Variants in PRDM4 observed in about 807,000 individuals in gnomAD.
The protein encoded by PRDM4 is PR domain zinc finger protein 4.
Under a neutral mutation model 62.3 loss-of-function variants are expected in PRDM4, and 38 were observed. The observed-to-expected ratio is 0.61, with a 90% confidence interval of 0.47 to 0.80. The LOEUF (loss-of-function observed/expected upper bound fraction) is 0.80. Among genes scored for constraint, PRDM4 ranks in the 30% least tolerant of loss-of-function variants. The probability of loss-of-function intolerance (pLI) is 0.00; values close to 1 mark genes in which losing one functional copy is unlikely to be tolerated. For synonymous variants in PRDM4, 339 were observed against 348.2 expected (o/e 0.97, Z 0.30); for missense variants, 858 against 997.1 (o/e 0.86, Z 1.88).
chr12:107,751,980 G>A lies in PRDM4; in HGVS notation c.561C>T (p.Ala187=). The change falls in exon 5 of 12, where the codon GCC becomes GCT. Residue 187 remains alanine (A), a synonymous_variant. Coordinates refer to ENST00000228437, the MANE Select transcript of PRDM4 (RefSeq NM_012406.4). ...SLHPSDGHEV[A]LDTAITMENV... ...TCTCCATAGTGATTGCTGTGTCCAA[G>A]GCCACCTCATGGCCATCACTGGGAT... is the stretch of plus-strand genomic sequence containing the variant. 1.9e-6 allele frequency: 3 copies of A among 1,614,212 alleles called. No individual in the cohort carries two copies. Among genetic ancestry groups the A allele is most frequent in the Non-Finnish European group, 2.5e-6 (3 of 1,180,044 alleles).
Position 107,751,403 on chromosome 12 carries a change from A to G in PRDM4, c.1126+12T>C. ...CAAATATTTCCAAAAAAGAAAGGCTAAACACACTCACAAATTGTAAACAAG... is the reference window on the plus strand; with the variant it reads ...CAAATATTTCCAAAAAAGAAAGGCTGAACACACTCACAAATTGTAAACAAG... On this transcript the variant is annotated intron_variant, in intron 5 of 11. Transcript: ENST00000228437. 1 of 1,596,784 alleles carries G rather than the reference A, an allele frequency of 6.3e-7. No individual in the cohort carries two copies. The highest frequency in any genetic ancestry group is 8.6e-7 in the Non-Finnish European group (1 of 1,165,892).
intron 2 of PRDM4, among the ~76,000 whole-genome samples, chr12:107,757,280 GT>G (rs1399820907): frequency 5.9e-5 from 9 of 151,534 alleles, no homozygotes; most frequent in East Asian, 3.9e-4. Flanking sequence ...GGCAATGACA[GT>G]TTTTTTTTAA....
At chr12:107,742,763 CTTTTTT>C (rs750002269) in intron 8 of PRDM4, among the ~76,000 whole-genome samples, 1 of 120,544 alleles carries the variant, frequency 8.3e-6, no homozygotes, top group Non-Finnish European at 1.7e-5. Context: ...TGGTAAGTGC[CTTTTTT>C]TTTTTTTTTT....
At chr12:107,748,409 G>A (rs1210898433) in intron 5 of PRDM4, among the ~76,000 whole-genome samples, 1 of 152,076 alleles carries the variant, frequency 6.6e-6, no homozygotes, top group African/African-American at 2.4e-5. Context: ...ATTCATAGTA[G>A]CCAAAAAGCA....
intron 6 of PRDM4, 33 bp downstream of exon 6, chr12:107,746,242 T>A: frequency 6.2e-7 from 1 of 1,608,722 alleles, no homozygotes. Context: ...GAAGAAGAGA[T>A]GTAATAGTGT....
chr12:107,753,809 G>C (rs1218404948), intron 4 of PRDM4, 115 bp downstream of exon 4: 9 of 995,320 alleles, frequency 9.0e-6, no homozygotes, highest in Non-Finnish European at 1.3e-5. Context: ...CCTGCCTAGA[G>C]ATTAATATCT....
intron 3 of PRDM4, among the ~76,000 whole-genome samples, chr12:107,755,666 A>G (rs1430351241): frequency 6.6e-6 from 1 of 152,262 alleles, no homozygotes; most frequent in Non-Finnish European, 1.5e-5. Context: ...AGTCCAATAC[A>G]TAACAATGTC....
chr12:107,742,138 C>T (rs1890536700), intron 9 of PRDM4, 83 bp downstream of exon 9: 1 of 1,417,666 alleles, frequency 7.1e-7, no homozygotes, highest in African/African-American at 1.4e-5. Context: ...CTTCAGCTAA[C>T]ATGTAAATCA....
intron 11 of PRDM4, among the ~76,000 whole-genome samples, chr12:107,738,663 G>A (rs929585210): frequency 6.6e-6 from 1 of 152,004 alleles, no homozygotes; most frequent in Non-Finnish European, 1.5e-5. Context: ...TACCTAATTG[G>A]TCTTCCAATA....
intron 4 of PRDM4, among the ~76,000 whole-genome samples, chr12:107,753,400 AAG>A (rs1890962260): frequency 7.2e-6 from 1 of 139,224 alleles, no homozygotes; most frequent in East Asian, 2.0e-4. Context: ...GAAAAGAAAA[AAG>A]AGAGCAAGAG....
At chr12:107,746,578 G>A (rs192500016) in intron 5 of PRDM4, among the ~76,000 whole-genome samples, 154 bp from the exon 6 acceptor site, 111 of 151,716 alleles carry the variant, frequency 7.3e-4, no homozygotes, top group Non-Finnish European at 1.4e-3. Flanking sequence ...TCTGCCTCCC[G>A]GGTATAAGCG....
chr12:107,757,397 T>C (rs1202723291), intron 2 of PRDM4, among the ~76,000 whole-genome samples: 3 of 152,190 alleles, frequency 2.0e-5, no homozygotes, highest in Non-Finnish European at 4.4e-5. Context: ...CAAGTAAATT[T>C]TACTAATCAT....
chr12:107,743,232 A>G lies in PRDM4; in HGVS notation c.1446T>C (p.Asn482=). Residue 482 remains asparagine, a synonymous_variant, in exon 8 of 12, where the codon AAT becomes AAC. Coordinates refer to ENST00000228437, the MANE Select transcript of PRDM4 (RefSeq NM_012406.4). ...LEFCIITTDE[N]ECNWMMFVRK... is the part of the protein sequence containing the mutation. ...GCACAAACATCATCCAATTACATTC[A>G]TTTTCATCAGTTGTAATGATGCAGA... The G allele has an allele frequency of 6.2e-7, 1 of 1,613,620 alleles. No homozygotes were observed. The highest frequency in any genetic ancestry group is 8.5e-7 in the Non-Finnish European group (1 of 1,179,578).
chr12:107,744,522 A>G (rs1890625322), intron 7 of PRDM4, 21 bp downstream of exon 7: 1 of 1,598,878 alleles, frequency 6.3e-7, no homozygotes, highest in Non-Finnish European at 8.6e-7. Context: ...AAAGCCACAG[A>G]AAAGTTTCAT....
In PRDM4 at chr12:107,753,995, T is replaced by TCAGGTAACC. The variant is rs1437687285; in HGVS notation, c.251_259dup (p.Gly84_Pro86dup). ...TGGTGGAGGTAGGGTGTAGTTTCTT[T>TCAGGTAACC]CAGGTAACCCACACATCACCCCTCG... On this transcript the variant is annotated inframe_insertion, in exon 4 of 12. Coordinates refer to ENST00000228437, the MANE Select transcript of PRDM4 (RefSeq NM_012406.4). 7 of 1,614,036 alleles carry TCAGGTAACC rather than the reference T, an allele frequency of 4.3e-6. No homozygotes were observed. In the African/African-American group the frequency reaches 9.3e-5, roughly 22 times the overall value.
chr12:107,757,977 G>A (rs1201995464), intron 2 of PRDM4, among the ~76,000 whole-genome samples: 1 of 152,118 alleles, frequency 6.6e-6, no homozygotes, highest in Non-Finnish European at 1.5e-5. Context: ...TTACCCAAAA[G>A]GGGCTCTCTA....
intron 5 of PRDM4, among the ~76,000 whole-genome samples, chr12:107,748,185 A>C (rs1890776877): frequency 6.6e-6 from 1 of 152,124 alleles, no homozygotes; most frequent in African/African-American, 2.4e-5. Flanking sequence ...GTCTCAAAAA[A>C]ATAAAAAAAT....
chr12:107,759,209 T>C (rs1327866990), intron 2 of PRDM4, among the ~76,000 whole-genome samples: 1 of 152,108 alleles, frequency 6.6e-6, no homozygotes, highest in Non-Finnish European at 1.5e-5. Flanking sequence ...GAGCTCTGCC[T>C]GTACCTCTAC....
chr12:107,739,264 G>A (rs1027774780), intron 11 of PRDM4, 119 bp downstream of exon 11: 2 of 1,140,122 alleles, frequency 1.8e-6, no homozygotes. Flanking sequence ...CATCTACCAT[G>A]GTACCAAGGC....
Sources: gnomAD v4.1 joint callset for allele counts (sites outside exome capture counted in the v4.1 genomes callset) on GRCh38, gnomAD v4.1.1 for gene constraint, MANE v1.5 for transcripts, NCBI Gene and HGNC (gene_info 2026-07-23, HGNC 2026-07-21) for gene names.